The following ZNF676 variants were observed in gnomAD, a reference collection of about 807,000 sequenced individuals.
ZNF676 encodes zinc finger protein 676.
ZNF676 carries 4 observed loss-of-function variants against 6.0 expected under a neutral mutation model. The ratio of observed to expected loss-of-function variants is 0.67; its 90% CI spans 0.33 to 1.53. ZNF676 has a LOEUF of 1.53. Ranked by LOEUF, ZNF676 falls within the 40% of genes most tolerant of loss-of-function variation. The pLI, the probability that ZNF676 is intolerant of heterozygous loss-of-function variation, is 0.06. For synonymous variants in ZNF676, 198 were observed against 223.1 expected (o/e 0.89, Z 1.00); for missense variants, 644 against 679.7 (o/e 0.95, Z 0.58).
At chr19:22,246,945 C>T in the ZNF676 span, among the ~76,000 whole-genome samples, 1 of 152,200 alleles carries the variant, frequency 6.6e-6, no homozygotes, top group African/African-American at 2.4e-5. Context: ...TTCTTTACTT[C>T]TCTAATAAAC....
At chr19:22,215,396 G>A (rs963423020) in intron 1 of ZNF676, among the ~76,000 whole-genome samples, 1 of 152,192 alleles carries the variant, frequency 6.6e-6, no homozygotes, top group African/African-American at 2.4e-5. Context: ...CGCTGAGGGT[G>A]CAGAGCTGCC....
chr19:22,194,479 T>C (rs893639678), intron 1 of ZNF676, among the ~76,000 whole-genome samples: 7 of 152,082 alleles, frequency 4.6e-5, no homozygotes, highest in Admixed American at 4.6e-4. Flanking sequence ...TTGACAGATC[T>C]AAAAGGAGCC....
chr19:22,259,506 C>T, the ZNF676 span, among the ~76,000 whole-genome samples: 5 of 152,164 alleles, frequency 3.3e-5, no homozygotes, highest in Admixed American at 3.3e-4. Context: ...AGAATCAAGG[C>T]AGTAGAGTGA....
the ZNF676 span, among the ~76,000 whole-genome samples, chr19:22,242,484 G>C: frequency 6.6e-6 from 1 of 151,922 alleles, no homozygotes; most frequent in Non-Finnish European, 1.5e-5. Flanking sequence ...GCCTCCTGTG[G>C]ACAGGCCACA....
the ZNF676 span, among the ~76,000 whole-genome samples, chr19:22,251,825 C>T: frequency 3.3e-5 from 5 of 150,632 alleles, no homozygotes; most frequent in South Asian, 4.2e-4. Context: ...TAATCTAATT[C>T]TGAACACATA....
At chr19:22,190,628 A>AAC (rs2023888881) in intron 2 of ZNF676, among the ~76,000 whole-genome samples, 1 of 25,288 alleles carries the variant, frequency 4.0e-5, no homozygotes, top group African/African-American at 8.7e-5. Context: ...AATAGAATGC[A>AAC]ACATATATAT....
At chr19:22,184,950 C>T (rs1011873958) in intron 2 of ZNF676, among the ~76,000 whole-genome samples, 7 of 151,390 alleles carry the variant, frequency 4.6e-5, no homozygotes, top group African/African-American at 1.7e-4. Flanking sequence ...CTTCAGCAGA[C>T]TTAAACATCC....
chr19:22,193,575 A>T lies in ZNF676; in HGVS notation c.35-464T>A, dbSNP rs146668304. ...ATTAAAAAGATAATTTCTTCCTCCA[A>T]CAGCGCCTATTGAAAATAATGAGCA... On this transcript the variant is annotated intron_variant, in intron 1 of 2. Transcript: ENST00000397121. 2.7e-3 allele frequency among the ~76,000 whole-genome samples: 408 copies of T among 152,146 alleles called. 3 individuals are homozygous for T. The highest frequency in any genetic ancestry group is 9.5e-3 in the African/African-American group (395 of 41,532).
chr19:22,196,088 AT>A (rs2023963798), intron 1 of ZNF676, among the ~76,000 whole-genome samples: 2 of 152,272 alleles, frequency 1.3e-5, no homozygotes, highest in African/African-American at 4.8e-5. Context: ...CCTTACGTTT[AT>A]TTGATTAATG....
At chr19:22,229,299 A>G in the ZNF676 span, among the ~76,000 whole-genome samples, 1 of 152,234 alleles carries the variant, frequency 6.6e-6, no homozygotes, top group East Asian at 1.9e-4. Flanking sequence ...GGCTAGCCAT[A>G]TGCAGAAAAC....
the ZNF676 span, chr19:22,243,804 G>T: frequency 6.6e-6 from 1 of 152,146 alleles, no homozygotes; most frequent in South Asian, 2.1e-4. Flanking sequence ...CTTAATTGTG[G>T]CCAAATGTTA....
chr19:22,189,896 A>G (rs2023881448), intron 2 of ZNF676, among the ~76,000 whole-genome samples: 1 of 152,190 alleles, frequency 6.6e-6, no homozygotes, highest in Non-Finnish European at 1.5e-5. Flanking sequence ...GATGTGGAGA[A>G]GTAGAAAAGC....
intron 1 of ZNF676, among the ~76,000 whole-genome samples, chr19:22,208,063 A>G (rs2024094167): frequency 6.6e-6 from 1 of 151,850 alleles, no homozygotes; most frequent in Non-Finnish European, 1.5e-5. Context: ...TTCATGATGA[A>G]GATATCAAAA....
the ZNF676 span, among the ~76,000 whole-genome samples, chr19:22,227,770 T>G: frequency 6.6e-6 from 1 of 152,120 alleles, no homozygotes; most frequent in Non-Finnish European, 1.5e-5. Flanking sequence ...AAGAAATGGA[T>G]AAATTCCTGG....
the ZNF676 span, among the ~76,000 whole-genome samples, chr19:22,236,141 T>C: frequency 6.6e-6 from 1 of 151,818 alleles, no homozygotes; most frequent in Non-Finnish European, 1.5e-5. Context: ...GCAATATTGG[T>C]TTTGATTTAC....
chr19:22,209,715 G>C (rs529654891), intron 1 of ZNF676, among the ~76,000 whole-genome samples: 1 of 152,278 alleles, frequency 6.6e-6, no homozygotes, highest in East Asian at 1.9e-4. Context: ...ACTGGTTTGT[G>C]CTATAGATAG....
At position 22,193,066 on chromosome 19, in the gene ZNF676, C is replaced by A. The variant is rs8104929; in HGVS notation, c.80G>T (p.Gly27Val). The change falls in exon 2 of 3, where the codon GGA becomes GTA. Residue 27 changes from glycine to valine, a missense_variant. Gly to Val is a moderately radical substitution (Grantham distance 109). Around this residue, in one of 5 missense-constraint regions of ZNF676, gnomAD observed 280 missense variants for 269.3 expected, o/e 1.04. Transcript: ENST00000397121. Reference protein sequence around the residue: ...KPDLIIFLEQGKEPWNMKRHE... With the variant: ...KPDLIIFLEQVKEPWNMKRHE... ...TCTCTTCATATTCCAGGGCTCTTTT[C>A]CTTGCTCCAGAAAAATGATCAGGTC... 3 of 1,608,608 alleles carry A rather than the reference C, an allele frequency of 1.9e-6. No individual in the cohort carries two copies. The highest frequency in any genetic ancestry group is 2.5e-6 in the Non-Finnish European group (3 of 1,178,040).
the ZNF676 span, among the ~76,000 whole-genome samples, chr19:22,248,945 G>T: frequency 6.6e-6 from 1 of 152,152 alleles, no homozygotes; most frequent in South Asian, 2.1e-4. Context: ...GGTCAGGCTG[G>T]TCTCGAACTC....
the ZNF676 span, among the ~76,000 whole-genome samples, chr19:22,235,914 A>T: frequency 2.7e-5 from 4 of 150,642 alleles, no homozygotes; most frequent in South Asian, 8.5e-4. Context: ...GTACCAGGAG[A>T]TGTGGTAATT....
Sources: gnomAD v4.1 joint callset for allele counts (sites outside exome capture counted in the v4.1 genomes callset) on GRCh38, gnomAD v4.1.1 for gene constraint, gnomAD v4.1.1 regional missense constraint, MANE v1.5 for transcripts, NCBI Gene and HGNC (gene_info 2026-07-23, HGNC 2026-07-21) for gene names.